The following CCNH variants were observed in gnomAD, a reference collection of about 807,000 sequenced individuals.
CCNH encodes the protein cyclin-H.
Under a neutral mutation model 41.9 loss-of-function variants are expected in CCNH, and 31 were observed. The ratio of observed to expected loss-of-function variants is 0.74; its 90% confidence interval spans 0.56 to 1.00. The LOEUF (loss-of-function observed/expected upper bound fraction) is 1.00. Among genes scored for constraint, CCNH ranks in the 50% least tolerant of loss-of-function variants. The probability of loss-of-function intolerance (pLI) is 0.00; values close to 1 mark genes in which losing one functional copy is unlikely to be tolerated. For synonymous variants in CCNH, 138 were observed against 136.1 expected (o/e 1.01, Z -0.10); for missense variants, 362 against 388.4 (o/e 0.93, Z 0.57).
chr5:87,399,553 T>C (rs1266820600), intron 6 of CCNH, 48 bp from the exon 7 acceptor site: 1 of 1,214,450 alleles, frequency 8.2e-7, no homozygotes, highest in African/African-American at 1.5e-5. Flanking sequence ...CAAACCTCCT[T>C]CTCATAGTAA....
chr5:87,317,786 C>T (rs1756455364), downstream of CCNH, among the ~76,000 whole-genome samples: 1 of 152,142 alleles, frequency 6.6e-6, no homozygotes, highest in South Asian at 2.1e-4. Context: ...CAGGCGCATA[C>T]CACCACACTC....
chr5:87,391,991 A>G (rs1762560063), downstream of CCNH: 1 of 240,232 alleles, frequency 4.2e-6, no homozygotes, highest in Admixed American at 5.4e-5. Context: ...GGCAGTTTAA[A>G]CCTTAGCATC....
At chr5:87,411,181 A>G in intron 2 of CCNH, 43 bp downstream of exon 2, 2 of 1,549,718 alleles carry the variant, frequency 1.3e-6, no homozygotes, top group South Asian at 2.5e-5. Flanking sequence ...AAATTTCACA[A>G]GCCAACTAAA....
intron 9 of CCNH, among the ~76,000 whole-genome samples, chr5:87,365,253 A>G (rs1018609801): frequency 2.0e-5 from 3 of 152,138 alleles, no homozygotes; most frequent in South Asian, 2.1e-4. Flanking sequence ...AATGTTTTAT[A>G]TTTCAAAAAT....
At chr5:87,376,706 C>T (rs1761349815) in exon 1 of CCNH, 1 of 1,274,682 alleles carries the variant, frequency 7.8e-7, no homozygotes, top group African/African-American at 1.5e-5. Flanking sequence ...TTGTTTTATA[C>T]TGTAATTTTG....
downstream of CCNH, among the ~76,000 whole-genome samples, chr5:87,315,135 C>T (rs1459156613): frequency 1.3e-5 from 2 of 152,218 alleles, no homozygotes; most frequent in Admixed American, 6.5e-5. Context: ...TACAACACAG[C>T]TTCTATTAAT....
At chr5:87,384,652 A>G (rs1436202713) in intron 9 of CCNH, among the ~76,000 whole-genome samples, 2 of 152,120 alleles carry the variant, frequency 1.3e-5, no homozygotes, top group Non-Finnish European at 2.9e-5. Context: ...AGTCAGGTAG[A>G]TTATTTATGG....
downstream of CCNH, among the ~76,000 whole-genome samples, chr5:87,313,672 T>C (rs1158968301): frequency 6.6e-6 from 1 of 152,202 alleles, no homozygotes; most frequent in Non-Finnish European, 1.5e-5. Context: ...TGAAAATGAT[T>C]GATTATATTA....
intron 9 of CCNH, chr5:87,332,472 AT>A (rs768103774): frequency 1.0e-5 from 16 of 1,574,746 alleles, no homozygotes; most frequent in African/African-American, 6.8e-5. Context: ...GGCTGTAAAG[AT>A]TTTTTTATAC....
exon 1 of CCNH, chr5:87,376,812 C>T (rs901127491): frequency 8.3e-5 from 120 of 1,450,766 alleles, no homozygotes; most frequent in Non-Finnish European, 1.0e-4. Flanking sequence ...GAACATATTT[C>T]TTGTTAGTCT....
rs1421548708 is a variant in CCNH at position 87,362,567 on chromosome 5, T to C, written c.*90+30203A>G. 1.3e-6 allele frequency: 2 copies of C among 1,592,840 alleles called. No individual in the cohort carries two copies. Among genetic ancestry groups the C allele is most frequent in the South Asian group, 2.2e-5 (2 of 90,626 alleles). ...AAAATTCAGGATCAAGAACAAGTAC[T>C]CAATGACACAGTGGATGGCAAGGAA... On this transcript the variant is annotated intron_variant and NMD_transcript_variant, in intron 9 of 9. Coordinates refer to the CCNH transcript ENST00000645953.
intron 7 of CCNH, among the ~76,000 whole-genome samples, chr5:87,397,117 TC>T (rs1417503947): frequency 6.6e-6 from 1 of 152,300 alleles, no homozygotes; most frequent in South Asian, 2.1e-4. Context: ...ATGAACAGTT[TC>T]CAGTTTGCAG....
At chr5:87,379,944 ATAT>A (rs201933744), upstream of CCNH, 87 of 1,237,294 alleles carry the variant, frequency 7.0e-5, 1 homozygote, top group East Asian at 2.0e-3. Flanking sequence ...TGTTGTCCTA[ATAT>A]TATTATACTC....
chr5:87,384,973 GAC>G (rs1388322551), intron 9 of CCNH, among the ~76,000 whole-genome samples: 1 of 151,834 alleles, frequency 6.6e-6, no homozygotes, highest in Non-Finnish European at 1.5e-5. Context: ...TGTGAGGAGT[GAC>G]AATCTTTTTT....
intron 9 of CCNH, among the ~76,000 whole-genome samples, chr5:87,369,263 G>A (rs1760751131): frequency 6.6e-6 from 1 of 152,050 alleles, no homozygotes; most frequent in Non-Finnish European, 1.5e-5. Context: ...CAAATGATTT[G>A]AAATAATACT....
In CCNH at chr5:87,323,951, T is replaced by C. The variant is rs139458332; in HGVS notation, c.*91-5054A>G. On this transcript the variant is annotated intron_variant and NMD_transcript_variant, in intron 9 of 9. Coordinates refer to the CCNH transcript ENST00000645953. ...TTACAGTTGCTTAATTTGTCTGTCTTCTCCACTAGAACCTAAACTTTCCTG... is the reference window on the plus strand; with the variant it reads ...TTACAGTTGCTTAATTTGTCTGTCTCCTCCACTAGAACCTAAACTTTCCTG... 7.9e-4 allele frequency among the ~76,000 whole-genome samples: 121 copies of C among 152,284 alleles called. 1 individual carries two copies. The highest frequency in any genetic ancestry group is 2.7e-3 in the African/African-American group (112 of 41,576).
chr5:87,381,018 C>G (rs971020400), upstream of CCNH, among the ~76,000 whole-genome samples: 2 of 152,152 alleles, frequency 1.3e-5, no homozygotes, highest in African/African-American at 4.8e-5. Context: ...ACATGTAGTT[C>G]TGAAGCTGTG....
chr5:87,387,959 TATA>T, downstream of CCNH, among the ~76,000 whole-genome samples: 1 of 152,314 alleles, frequency 6.6e-6, no homozygotes, highest in East Asian at 1.9e-4. Context: ...AGAATCCAAA[TATA>T]ATACTACCAT....
intron 9 of CCNH, among the ~76,000 whole-genome samples, chr5:87,342,003 G>A: frequency 6.6e-6 from 1 of 152,022 alleles, no homozygotes. Flanking sequence ...TCACCCTTCT[G>A]TAAGTGGAAT....
Sources: allele counts gnomAD v4.1 joint callset (sites outside exome capture counted in the v4.1 genomes callset), GRCh38; gene constraint gnomAD v4.1.1; transcripts MANE v1.5; gene names NCBI Gene and HGNC (gene_info 2026-07-23, HGNC 2026-07-21).